Variants in DPP10 observed in about 807,000 individuals in gnomAD.
The protein encoded by DPP10 is dipeptidyl peptidase like 10.
A neutral mutation model predicts 120.9 loss-of-function variants in DPP10; 33 were observed. That is an observed-to-expected ratio of 0.27 (90% CI 0.21 to 0.37). The LOEUF (loss-of-function observed/expected upper bound fraction) is 0.37. DPP10 is among the 10% of genes least tolerant of loss of function. The pLI is 1.00. For synonymous variants in DPP10, 337 were observed against 326.1 expected (o/e 1.03, Z -0.36); for missense variants, 816 against 942.8 (o/e 0.87, Z 1.76).
At chr2:115,642,247 C>T (rs918329774) in intron 5 of DPP10, among the ~76,000 whole-genome samples, 2 of 151,854 alleles carry the variant, frequency 1.3e-5, no homozygotes, top group Admixed American at 6.6e-5. Flanking sequence ...TTGCTAGCTA[C>T]AGTGCCCAGA....
chr2:115,819,791 C>T (rs1324888223), intron 21 of DPP10, among the ~76,000 whole-genome samples: 1 of 151,986 alleles, frequency 6.6e-6, no homozygotes, highest in Non-Finnish European at 1.5e-5. Flanking sequence ...GTTGGGAGTT[C>T]GAGACCATCC....
intron 1 of DPP10, among the ~76,000 whole-genome samples, chr2:114,512,684 T>C (rs1684245203): frequency 6.6e-6 from 1 of 152,218 alleles, no homozygotes; most frequent in South Asian, 2.1e-4. Context: ...TACCCAGAGT[T>C]TTCTCGTTCA....
At chr2:114,611,771 C>T (rs1000396478) in intron 1 of DPP10, among the ~76,000 whole-genome samples, 9 of 152,284 alleles carry the variant, frequency 5.9e-5, no homozygotes, top group South Asian at 2.1e-4. Context: ...TAATCAAGCT[C>T]ATCCTATGTG....
At chr2:115,255,185 A>G (rs2058929893) in intron 1 of DPP10, among the ~76,000 whole-genome samples, 1 of 152,124 alleles carries the variant, frequency 6.6e-6, no homozygotes, top group Non-Finnish European at 1.5e-5. Context: ...CCAAATCTCA[A>G]CTTTTGACTT....
intron 1 of DPP10, among the ~76,000 whole-genome samples, chr2:115,113,784 T>A (rs371887226): frequency 6.6e-6 from 1 of 152,214 alleles, no homozygotes; most frequent in East Asian, 1.9e-4. Flanking sequence ...AAGAGCGGTG[T>A]ATTAAGATAT....
chr2:115,415,948 A>T (rs1218541745), intron 3 of DPP10, among the ~76,000 whole-genome samples: 1 of 148,450 alleles, frequency 6.7e-6, no homozygotes, highest in Non-Finnish European at 1.5e-5. Context: ...GAAATTTTTT[A>T]TGTAGTAATC....
chr2:114,897,678 G>C (rs949847719), intron 1 of DPP10, among the ~76,000 whole-genome samples: 2 of 151,960 alleles, frequency 1.3e-5, no homozygotes, highest in African/African-American at 4.8e-5. Flanking sequence ...CCATCAAAAA[G>C]TGGGCGAAGG....
chr2:115,628,248 T>A (rs189167042), intron 5 of DPP10, among the ~76,000 whole-genome samples: 55 of 152,330 alleles, frequency 3.6e-4, no homozygotes, highest in Non-Finnish European at 6.8e-4. Flanking sequence ...GTGGTTCTGA[T>A]TTACGTTTCT....
At chr2:114,619,994 G>A (rs1421919178) in intron 1 of DPP10, among the ~76,000 whole-genome samples, 1 of 151,728 alleles carries the variant, frequency 6.6e-6, no homozygotes, top group Non-Finnish European at 1.5e-5. Flanking sequence ...GACCCATTAG[G>A]GAGGTTCATC....
chr2:115,547,329 A>C (rs2079570130), intron 5 of DPP10, among the ~76,000 whole-genome samples: 1 of 152,186 alleles, frequency 6.6e-6, no homozygotes, highest in African/African-American at 2.4e-5. Flanking sequence ...TGAAAACTTC[A>C]AGATTTGTGC....
chr2:115,564,955 T>C (rs1447689869), intron 5 of DPP10, among the ~76,000 whole-genome samples: 4 of 152,098 alleles, frequency 2.6e-5, no homozygotes, highest in African/African-American at 9.7e-5. Context: ...GCTAAAGGCA[T>C]TTTCCCTGTT....
chr2:114,736,353 C>T (rs1162522087), intron 1 of DPP10, among the ~76,000 whole-genome samples: 2 of 151,966 alleles, frequency 1.3e-5, no homozygotes, highest in Non-Finnish European at 2.9e-5. Flanking sequence ...TTTGTGTTTC[C>T]ACTGCCTAGC....
chr2:115,659,431 A>G (rs954643255), intron 5 of DPP10, among the ~76,000 whole-genome samples: 1 of 152,124 alleles, frequency 6.6e-6, no homozygotes, highest in African/African-American at 2.4e-5. Context: ...AATTGAAACT[A>G]TTTCCAGTTG....
At chr2:115,252,515 TA>T (rs2058799276) in intron 1 of DPP10, among the ~76,000 whole-genome samples, 1 of 152,198 alleles carries the variant, frequency 6.6e-6, no homozygotes, top group Non-Finnish European at 1.5e-5. Flanking sequence ...AATGCCTCAT[TA>T]TGTTTGTTAA....
At chr2:114,754,670 C>G (rs1162110836) in intron 1 of DPP10, among the ~76,000 whole-genome samples, 1 of 152,168 alleles carries the variant, frequency 6.6e-6, no homozygotes, top group African/African-American at 2.4e-5. Flanking sequence ...TCAGATGATT[C>G]TAGCATGCGG....
intron 1 of DPP10, among the ~76,000 whole-genome samples, chr2:115,291,689 G>A (rs1235405978): frequency 6.6e-6 from 1 of 152,030 alleles, no homozygotes; most frequent in Non-Finnish European, 1.5e-5. Context: ...CTACCACTGG[G>A]AAACTTTTGG....
chr2:115,282,864 G>T (rs1023316451), intron 1 of DPP10, among the ~76,000 whole-genome samples: 1 of 151,730 alleles, frequency 6.6e-6, no homozygotes, highest in Non-Finnish European at 1.5e-5. Flanking sequence ...CTTAATTTCC[G>T]GTTTGAATAG....
chr2:115,193,031 C>T (rs888355608), intron 1 of DPP10, among the ~76,000 whole-genome samples: 1 of 152,060 alleles, frequency 6.6e-6, no homozygotes, highest in African/African-American at 2.4e-5. Context: ...TGCCTCCTTA[C>T]AATCCTTTTA....
At chr2:114,583,604 A>G (rs1690715891) in intron 1 of DPP10, among the ~76,000 whole-genome samples, 2 of 152,220 alleles carry the variant, frequency 1.3e-5, no homozygotes, top group Non-Finnish European at 2.9e-5. Context: ...TTGCAGAGAA[A>G]TCTGGGGATG....
Sources: allele counts gnomAD v4.1 joint callset (sites outside exome capture counted in the v4.1 genomes callset), GRCh38; gene constraint gnomAD v4.1.1; transcripts MANE v1.5; gene names NCBI Gene and HGNC (gene_info 2026-07-23, HGNC 2026-07-21).